NFIB: variants seen among roughly 807,000 people sequenced by gnomAD.
NFIB encodes nuclear factor 1 B-type.
A neutral mutation model predicts 61.5 loss-of-function variants in NFIB; 11 were observed. The ratio of observed to expected loss-of-function variants is 0.18; its 90% CI spans 0.11 to 0.30. NFIB has a LOEUF of 0.30. NFIB is among the 10% of genes least tolerant of loss of function. The pLI is 1.00. For missense variants in NFIB, 471 were observed against 608.9 expected, an observed-to-expected ratio of 0.77 and a Z score of 2.38; for synonymous variants, 260 against 216.5, an observed-to-expected ratio of 1.20 and a Z score of -1.76.
At chr9:14,499,874 A>G in the NFIB span, among the ~76,000 whole-genome samples, 1 of 152,200 alleles carries the variant, frequency 6.6e-6, no homozygotes, top group Non-Finnish European at 1.5e-5. Flanking sequence ...CCTAGGCTGA[A>G]GGCAGTGTAT....
At chr9:14,438,872 C>T in the NFIB span, among the ~76,000 whole-genome samples, 4 of 152,104 alleles carry the variant, frequency 2.6e-5, no homozygotes, top group African/African-American at 7.2e-5. Context: ...ACAGGACGCC[C>T]GAGGAAGAGG....
At chr9:14,093,298 A>G (rs1486037805) in intron 10 of NFIB, among the ~76,000 whole-genome samples, 1 of 152,146 alleles carries the variant, frequency 6.6e-6, no homozygotes, top group Admixed American at 6.6e-5. Context: ...CAGTATACGA[A>G]TATTTTTCAG....
intron 6 of NFIB, among the ~76,000 whole-genome samples, chr9:14,138,573 C>G (rs532374304): frequency 6.6e-6 from 1 of 151,588 alleles, no homozygotes; most frequent in Admixed American, 6.6e-5. Context: ...GTTCATTGTT[C>G]GAAATATTCA....
rs535393602 is a variant in NFIB, at chr9:14,313,002, G to T, written c.30+480C>A. On this transcript the variant is annotated intron_variant, in intron 1 of 10. Transcript: ENST00000380953. The surrounding 1 kb of genome is among the most constrained non-coding windows in gnomAD (Gnocchi z 4.5). ...TCGTCGCCCGCCCACCGCCTGCAGC[G>T]CAGTCCAGCGGCGCCCACACAGACT... 1.3e-5 allele frequency among the ~76,000 whole-genome samples: 2 copies of T among 152,222 alleles called. No individual in the cohort carries two copies. Among genetic ancestry groups the T allele is most frequent in the East Asian group, 3.9e-4 (2 of 5,182 alleles).
At chr9:14,463,898 G>A in the NFIB span, among the ~76,000 whole-genome samples, 1 of 152,152 alleles carries the variant, frequency 6.6e-6, no homozygotes, top group East Asian at 1.9e-4. Flanking sequence ...CTGACCTCGT[G>A]GTCCGACCGC....
rs535613784 is a variant in NFIB, at chr9:14,193,719, C to T, written c.563-13939G>A. 9.2e-5 allele frequency among the ~76,000 whole-genome samples: 14 copies of T among 152,248 alleles called. No homozygotes were observed. The South Asian group carries it at 1.7e-3, about 18-fold the overall frequency. The stretch of plus-strand genomic sequence containing the variant: ...ATACGCACAGGGATATATATGAACT[C>T]ACAGTACCAAAACTTTAGAATCACA... On this transcript the variant is annotated intron_variant, in intron 2 of 10. Coordinates refer to ENST00000380953, the MANE Select transcript of NFIB (RefSeq NM_001190737.2).
intron 1 of NFIB, chr9:14,362,917 A>C (rs2061256830): frequency 1.3e-5 from 2 of 152,062 alleles, no homozygotes; most frequent in Admixed American, 1.3e-4. Context: ...AACAAACAAA[A>C]AAAAGGACTT....
chr9:14,175,769 G>C (rs1385997953), intron 3 of NFIB, among the ~76,000 whole-genome samples: 1 of 152,276 alleles, frequency 6.6e-6, no homozygotes, highest in Admixed American at 6.5e-5. Context: ...AATGATACTA[G>C]AAAGGCCCCA....
At chr9:14,400,128 A>G (rs914374412), upstream of NFIB, among the ~76,000 whole-genome samples, 7 of 152,154 alleles carry the variant, frequency 4.6e-5, no homozygotes, top group African/African-American at 1.7e-4. Context: ...TGCAAGCAGC[A>G]GAATGCATTC....
At chr9:14,177,672 T>C (rs1043000806) in intron 3 of NFIB, among the ~76,000 whole-genome samples, 1 of 152,174 alleles carries the variant, frequency 6.6e-6, no homozygotes, top group Non-Finnish European at 1.5e-5. Context: ...TTTACATATA[T>C]ACAATTTTCA....
chr9:14,280,479 T>C (rs1202371289), intron 2 of NFIB, among the ~76,000 whole-genome samples: 1 of 152,196 alleles, frequency 6.6e-6, no homozygotes, highest in Non-Finnish European at 1.5e-5. Flanking sequence ...CAATCTTCTC[T>C]AACCCTACAC....
chr9:14,366,365 A>G (rs1186662293), intron 1 of NFIB, among the ~76,000 whole-genome samples: 2 of 152,224 alleles, frequency 1.3e-5, no homozygotes, highest in Admixed American at 1.3e-4. Context: ...TATGAAGTCA[A>G]TAAAACTCTC....
chr9:14,263,016 G>A (rs2056908169), intron 2 of NFIB, among the ~76,000 whole-genome samples: 1 of 152,046 alleles, frequency 6.6e-6, no homozygotes, highest in Non-Finnish European at 1.5e-5. Context: ...AAACACTAGG[G>A]GTGCAGACAT....
chr9:14,404,408 G>A, the NFIB span, among the ~76,000 whole-genome samples: 1 of 152,198 alleles, frequency 6.6e-6, no homozygotes, highest in South Asian at 2.1e-4. Flanking sequence ...AATCTTGATG[G>A]ATAGGAATCA....
chr9:14,421,132 T>C, the NFIB span, among the ~76,000 whole-genome samples: 1 of 151,692 alleles, frequency 6.6e-6, no homozygotes, highest in Admixed American at 6.6e-5. Flanking sequence ...AACTGTAGCA[T>C]TCATAAAGAG....
the NFIB span, among the ~76,000 whole-genome samples, chr9:14,457,935 G>A: frequency 6.6e-6 from 1 of 152,066 alleles, no homozygotes; most frequent in African/African-American, 2.4e-5. Flanking sequence ...TTCTACCAGA[G>A]GTACAAGGAG....
At chr9:14,211,531 T>C (rs888024234) in intron 2 of NFIB, among the ~76,000 whole-genome samples, 1 of 152,220 alleles carries the variant, frequency 6.6e-6, no homozygotes, top group African/African-American at 2.4e-5. Flanking sequence ...ATTGTCTACC[T>C]TAAAAAAATA....
At chr9:14,342,898 T>C (rs1240613436) in intron 1 of NFIB, among the ~76,000 whole-genome samples, 1 of 152,212 alleles carries the variant, frequency 6.6e-6, no homozygotes, top group East Asian at 1.9e-4. Flanking sequence ...CATACTCTTC[T>C]CAGACTAAAT....
chr9:14,177,451 T>C (rs1201039588), intron 3 of NFIB, among the ~76,000 whole-genome samples: 1 of 152,132 alleles, frequency 6.6e-6, no homozygotes, highest in African/African-American at 2.4e-5. Context: ...CATAAAAAAT[T>C]CTTTAATAAT....
Sources: gnomAD v4.1 joint callset for allele counts (sites outside exome capture counted in the v4.1 genomes callset) on GRCh38, gnomAD v4.1.1 for gene constraint, Gnocchi (gnomAD v3.1) non-coding constraint, MANE v1.5 for transcripts, NCBI Gene and HGNC (gene_info 2026-07-23, HGNC 2026-07-21) for gene names.